The following ATM variants were observed in gnomAD, a reference collection of about 807,000 sequenced individuals.
ATM encodes ATM serine/threonine kinase.
In ATM, 308 loss-of-function variants were observed where a neutral mutation model predicts 387.0. The observed-to-expected ratio is 0.80, with a 90% CI of 0.73 to 0.87. The LOEUF (loss-of-function observed/expected upper bound fraction) is 0.87, where lower values mean the gene tolerates loss of function less well. Among genes scored for constraint, ATM ranks in the 40% least tolerant of loss-of-function variants. ATM has a pLI of 0.00. For missense variants in ATM, 3,312 were observed against 3,560.9 expected (o/e 0.93, Z 1.78); for synonymous variants, 1,156 against 1,187.3 (o/e 0.97, Z 0.54).
In ATM at chr11:108,250,947, T is replaced by G. The variant is rs1335320350; in HGVS notation, c.1482T>G (p.Gly494=). The G allele has an allele frequency of 6.2e-7, 1 of 1,614,194 alleles. No individual in the cohort carries two copies. ...AAATTTGGTGTATTACCTTTCGTGG[T>G]ATAAGTTCTGAGCAAATACAAGCTG... ...WNKIWCITFR[G]ISSEQIQAEN... is the part of the protein sequence containing the mutation. The change falls in exon 10 of 63, where the codon GGT becomes GGG. Residue 494 remains glycine, a synonymous_variant. Coordinates refer to ENST00000675843, the MANE Select transcript of ATM (RefSeq NM_000051.4).
In ATM at chr11:108,282,891, C is replaced by A. The variant is rs768841674; in HGVS notation, c.3746+12C>A. ...GAGGATTTCTATAGGTAAGTTTATA[C>A]ATGACATATGTGAAATTTGTTTAAT... On this transcript the variant is annotated intron_variant, in intron 25 of 62. Coordinates refer to ENST00000675843, the MANE Select transcript of ATM (RefSeq NM_000051.4). 2 of 1,444,750 alleles carry A rather than the reference C, an allele frequency of 1.4e-6. No homozygotes were observed. Among genetic ancestry groups the A allele is most frequent in the East Asian group, 4.6e-5 (2 of 43,708 alleles). 89.5% of individuals were successfully genotyped at this position (1,444,750 alleles called of 1,614,324 possible).
At chr11:108,245,523 A>G (rs1362121755) in intron 7 of ATM, among the ~76,000 whole-genome samples, 4 of 152,194 alleles carry the variant, frequency 2.6e-5, no homozygotes, top group African/African-American at 9.6e-5. Flanking sequence ...TAAGCCTCAT[A>G]GTTACTCTAG....
Position 108,316,058 on chromosome 11 carries a change from CAT to C in ATM, c.6146_6147del (p.Tyr2049Ter), listed in dbSNP as rs1565499757. The C allele has an allele frequency of 6.2e-7, 1 of 1,614,144 alleles. No individual in the cohort carries two copies. Among genetic ancestry groups the C allele is most frequent in the Non-Finnish European group, 8.5e-7 (1 of 1,180,014 alleles). ...GCAATGTGGGGCAAAGCCCTAGTAA[CAT>C]ATGACCTCGAAACAGCAATCCCCTC... is the stretch of plus-strand genomic sequence containing the variant. On this transcript the variant is annotated frameshift_variant, in exon 42 of 63. Transcript: ENST00000675843. LOFTEE classifies it high-confidence loss of function.
intron 61 of ATM, among the ~76,000 whole-genome samples, chr11:108,358,006 G>A (rs1485010743): frequency 6.8e-6 from 1 of 146,310 alleles, no homozygotes; most frequent in Non-Finnish European, 1.5e-5. Context: ...TGAGCTACGG[G>A]AGGACATTCA....
rs1427985738 is a variant in ATM, at chr11:108,367,871, A to G, written c.*2363A>G. 2 of 205,202 alleles carry G rather than the reference A, an allele frequency of 9.7e-6. No homozygotes were observed. The highest frequency in any genetic ancestry group is 2.0e-5 in the Non-Finnish European group (2 of 100,166). The allele number at this position is 205,202 out of a possible 1,614,324, so 12.7% of individuals were successfully genotyped here. A position where few individuals can be genotyped will look rare whatever the true frequency, so the allele number is the denominator to read the frequency against. On this transcript the variant is annotated 3_prime_UTR_variant, in exon 63 of 63. Transcript: ENST00000675843. ...CAAGCTGCCTAAATGAATATTTGGT[A>G]TATATTGGTAGTTTTATTACTATAG... is the stretch of plus-strand genomic sequence containing the variant.
chr11:108,262,072 C>T (rs1420136577), intron 16 of ATM, among the ~76,000 whole-genome samples: 1 of 149,382 alleles, frequency 6.7e-6, no homozygotes, highest in Non-Finnish European at 1.5e-5. Context: ...GGATATTATC[C>T]AGGAGAACTT....
chr11:108,320,580 A>T (rs1261488202), intron 44 of ATM, among the ~76,000 whole-genome samples: 1 of 152,234 alleles, frequency 6.6e-6, no homozygotes, highest in Non-Finnish European at 1.5e-5. Context: ...CTCTTTTCAT[A>T]TGTATTCTCT....
rs762709930 is a variant in ATM at position 108,254,055 on chromosome 11, A to G, written c.2124+16A>G. 5 of 1,608,854 alleles carry G rather than the reference A, an allele frequency of 3.1e-6. No individual in the cohort carries two copies. The South Asian group carries it at 4.4e-5, about 14-fold the overall frequency. On this transcript the variant is annotated intron_variant, in intron 13 of 62. Transcript: ENST00000675843. ...CTCATCTGAGGTGAGATTTTTTAAA[A>G]AAAGAACTAAGCTTATATATGATTC...
At chr11:108,326,308 A>G (rs1361747090) in intron 47 of ATM, 83 bp downstream of exon 47, 7 of 1,493,506 alleles carry the variant, frequency 4.7e-6, no homozygotes, top group African/African-American at 1.4e-5. Flanking sequence ...TTTAATAACA[A>G]TTTTATTAGA....
At chr11:108,344,355 C>G (rs769559897) in intron 57 of ATM, among the ~76,000 whole-genome samples, 36 of 151,956 alleles carry the variant, frequency 2.4e-4, no homozygotes, top group Admixed American at 2.0e-4. Flanking sequence ...AGCATATAAG[C>G]AAAGGAGAGG....
At chr11:108,291,498 A>C (rs2082793742) in intron 29 of ATM, among the ~76,000 whole-genome samples, 1 of 152,142 alleles carries the variant, frequency 6.6e-6, no homozygotes, top group African/African-American at 2.4e-5. Flanking sequence ...TACTCATTCC[A>C]CAATAACTCC....
chr11:108,356,405 G>A (rs774849116), intron 61 of ATM, among the ~76,000 whole-genome samples: 26 of 151,790 alleles, frequency 1.7e-4, no homozygotes, highest in Non-Finnish European at 2.4e-4. Context: ...GCGTGATGGC[G>A]GGCACCTGTA....
chr11:108,246,751 T>G (rs562937815), intron 7 of ATM, among the ~76,000 whole-genome samples: 3 of 152,262 alleles, frequency 2.0e-5, no homozygotes, highest in Admixed American at 6.5e-5. Flanking sequence ...TGGAAGAAAT[T>G]TATAAGAAAC....
At chr11:108,331,021 C>T (rs558923690) in intron 50 of ATM, among the ~76,000 whole-genome samples, 2 of 152,194 alleles carry the variant, frequency 1.3e-5, no homozygotes, top group Admixed American at 1.3e-4. Context: ...AATAATAAGA[C>T]TCATAATAGA....
chr11:108,236,994 GTATT>G (rs970898413), intron 5 of ATM, among the ~76,000 whole-genome samples: 8 of 151,800 alleles, frequency 5.3e-5, no homozygotes, highest in African/African-American at 1.2e-4. Flanking sequence ...TTCATGGAAA[GTATT>G]TAAGCTAAAT....
At chr11:108,276,556 C>G (rs1307763545) in intron 22 of ATM, among the ~76,000 whole-genome samples, 1 of 152,178 alleles carries the variant, frequency 6.6e-6, no homozygotes, top group African/African-American at 2.4e-5. Flanking sequence ...GTGTGGACAT[C>G]CTTTTTGTTG....
chr11:108,248,418 G>C (rs2079959743), intron 8 of ATM, among the ~76,000 whole-genome samples: 1 of 152,032 alleles, frequency 6.6e-6, no homozygotes, highest in African/African-American at 2.4e-5. Flanking sequence ...GCATTACTTG[G>C]TAATACCTGC....
rs2091363818 is a variant in ATM at position 108,366,977 on chromosome 11, C to G, written c.*1469C>G. On this transcript the variant is annotated 3_prime_UTR_variant, in exon 63 of 63. Coordinates refer to ENST00000675843, the MANE Select transcript of ATM (RefSeq NM_000051.4). Reference sequence around the variant, plus strand: ...AGCATCAGCTCACATATTCACCTCTCTGGTTTTTCATTCCCCTCATTTTTT... The same window carrying G: ...AGCATCAGCTCACATATTCACCTCTGTGGTTTTTCATTCCCCTCATTTTTT... The G allele has an allele frequency of 4.8e-6, 1 of 208,196 alleles. No homozygotes were observed. Among genetic ancestry groups the G allele is most frequent in the Non-Finnish European group, 9.8e-6 (1 of 102,316 alleles). 12.9% of individuals were successfully genotyped at this position (208,196 alleles called of 1,614,324 possible). A position where few individuals can be genotyped will look rare whatever the true frequency, so the allele number is the denominator to read the frequency against.
At chr11:108,293,894 A>AATATAT (rs1220002313) in intron 31 of ATM, among the ~76,000 whole-genome samples, 36 of 83,678 alleles carry the variant, frequency 4.3e-4, no homozygotes, top group African/African-American at 7.5e-4. Flanking sequence ...AAAAAAAAAA[A>AATATAT]ATATATATAT....
Sources: gnomAD v4.1 joint callset for allele counts (sites outside exome capture counted in the v4.1 genomes callset) on GRCh38, gnomAD v4.1.1 for gene constraint, MANE v1.5 for transcripts, NCBI Gene and HGNC (gene_info 2026-07-23, HGNC 2026-07-21) for gene names.